CHMP7: variants seen among roughly 807,000 people sequenced by gnomAD.
CHMP7 encodes CHMP family, member 7.
In CHMP7, 15 loss-of-function variants were observed where a neutral mutation model predicts 53.7. That is an observed-to-expected ratio of 0.28 (90% CI 0.19 to 0.43). CHMP7 has a LOEUF of 0.43. CHMP7 is among the 20% of genes least tolerant of loss of function. The probability of loss-of-function intolerance (pLI) is 1.00; values close to 1 mark genes in which losing one functional copy is unlikely to be tolerated. For synonymous variants in CHMP7, 261 were observed against 228.0 expected, an observed-to-expected ratio of 1.14 and a Z score of -1.30; for missense variants, 527 against 569.4, an observed-to-expected ratio of 0.93 and a Z score of 0.76.
chr8:23,245,463 T>C (rs1173691299), intron 1 of CHMP7, among the ~76,000 whole-genome samples: 2 of 152,386 alleles, frequency 1.3e-5, no homozygotes, highest in African/African-American at 4.8e-5. Flanking sequence ...TGCCTAGCTG[T>C]AATAAATTCC....
chr8:23,260,702 G>C lies in CHMP7; in HGVS notation c.*103G>C, dbSNP rs1450918595. ...CTCTCAGAATGTGTTTGGAAGAGGAGAAAGGAGAACCACTGATTTTATCTG... is the reference window on the plus strand; with the variant it reads ...CTCTCAGAATGTGTTTGGAAGAGGACAAAGGAGAACCACTGATTTTATCTG... On this transcript the variant is annotated 3_prime_UTR_variant, in exon 11 of 11. Transcript: ENST00000397677. The C allele has an allele frequency of 2.2e-6, 2 of 926,524 alleles. No individual in the cohort carries two copies. The highest frequency in any genetic ancestry group is 1.6e-5 in the African/African-American group (1 of 60,884). 57.4% of individuals were successfully genotyped at this position (926,524 alleles called of 1,614,324 possible).
intron 3 of CHMP7, chr8:23,252,407 A>C (rs1801969495): frequency 6.6e-6 from 1 of 151,906 alleles, no homozygotes; most frequent in Non-Finnish European, 1.5e-5. Flanking sequence ...GATGGTCTCG[A>C]TCTCCTGACC....
At chr8:23,258,550 G>C in intron 7 of CHMP7, 101 bp downstream of exon 7, 4 of 1,515,370 alleles carry the variant, frequency 2.6e-6, no homozygotes, top group Non-Finnish European at 3.6e-6. Context: ...GGGTTCTTTC[G>C]GGATGTGGCT....
intron 6 of CHMP7, 114 bp from the exon 7 acceptor site, chr8:23,258,216 T>C: frequency 6.6e-7 from 1 of 1,514,606 alleles, no homozygotes; most frequent in African/African-American, 1.4e-5. Context: ...CACAGCTTAT[T>C]TTACAGATGG....
chr8:23,258,703 T>A, intron 7 of CHMP7, 29 bp from the exon 8 acceptor site: 1 of 1,511,170 alleles, frequency 6.6e-7, no homozygotes, highest in Non-Finnish European at 9.2e-7. Flanking sequence ...TGTCTGTCAT[T>A]TGCACTGATA....
chr8:23,258,473 C>A, intron 7 of CHMP7, 24 bp downstream of exon 7: 6 of 1,613,596 alleles, frequency 3.7e-6, no homozygotes, highest in Non-Finnish European at 5.1e-6. Context: ...TCTACTCCAG[C>A]ACTTGGCTGG....
intron 8 of CHMP7, 109 bp downstream of exon 8, chr8:23,258,939 T>C (rs2128860425): frequency 9.5e-7 from 1 of 1,051,048 alleles, no homozygotes; most frequent in Non-Finnish European, 1.5e-6. Context: ...CCTTGTGAAC[T>C]TGAGGAAGCT....
chr8:23,259,185 T>G lies in CHMP7; in HGVS notation c.1120+59T>G, dbSNP rs1157456835. The G allele has an allele frequency of 4.9e-6, 4 of 813,552 alleles. No individual in the cohort carries two copies. In the Admixed American group the frequency reaches 8.2e-5, roughly 17 times the overall value. The allele number at this position is 813,552 out of a possible 1,614,324, so 50.4% of individuals were successfully genotyped here. ...TCATTTTTTTTTTTTTTTTTTTTTT[T>G]TGAGACGGAGTCTCGCTCTGTCGCC... On this transcript the variant is annotated intron_variant, in intron 9 of 10. Coordinates refer to ENST00000397677, the MANE Select transcript of CHMP7 (RefSeq NM_152272.5).
intron 3 of CHMP7, among the ~76,000 whole-genome samples, chr8:23,253,404 C>T (rs1802001990): frequency 6.6e-6 from 1 of 152,208 alleles, no homozygotes; most frequent in Admixed American, 6.5e-5. Flanking sequence ...CTGCCTCAGC[C>T]TCTCAAGTAG....
Position 23,259,078 on chromosome 8 carries a change from C to G in CHMP7, c.1072C>G (p.Gln358Glu). ...TTGTCTCTTACAGCTCTGTGACACCCAGGATGAAGTTTCTCAGACTCTGGC... is the reference window on the plus strand; with the variant it reads ...TTGTCTCTTACAGCTCTGTGACACCGAGGATGAAGTTTCTCAGACTCTGGC... ...VDQIQELCDT[Q>E]DEVSQTLAGG... The change falls in exon 9 of 11, where the codon CAG becomes GAG. Residue 358 changes from glutamine (Q) to glutamate (E), a missense_variant. Gln to Glu is a conservative substitution (Grantham distance 29, BLOSUM62 2). Coordinates refer to ENST00000397677, the MANE Select transcript of CHMP7 (RefSeq NM_152272.5). The G allele has an allele frequency of 6.2e-7, 1 of 1,608,156 alleles. No individual in the cohort carries two copies. The highest frequency in any genetic ancestry group is 8.5e-7 in the Non-Finnish European group (1 of 1,174,598).
At chr8:23,258,197 C>G in intron 6 of CHMP7, 116 bp downstream of exon 6, 5 of 1,444,458 alleles carry the variant, frequency 3.5e-6, no homozygotes, top group Non-Finnish European at 4.8e-6. Context: ...CTGCAGGGGG[C>G]CCAGGCACCA....
At position 23,258,841 on chromosome 8, in the gene CHMP7, G is replaced by T. The variant is rs943430344; in HGVS notation, c.1059+11G>T. ...GATCAGATCCAAGAGGTACAGAAAG[G>T]GGCCAGGGAGGGACACACAGAGAAG... On this transcript the variant is annotated intron_variant, in intron 8 of 10. Transcript: ENST00000397677. 6 of 1,542,054 alleles carry T rather than the reference G, an allele frequency of 3.9e-6. No homozygotes were observed. The highest frequency in any genetic ancestry group is 5.4e-6 in the Non-Finnish European group (6 of 1,115,462).
At position 23,260,312 on chromosome 8, in the gene CHMP7, T is replaced by C; in HGVS notation, c.1289T>C (p.Leu430Ser). 6.2e-7 allele frequency: 1 copy of C among 1,614,144 alleles called. No individual in the cohort carries two copies. The highest frequency in any genetic ancestry group is 1.3e-5 in the African/African-American group (1 of 75,050). ...ELEAELEKLS[L>S]SEGGLVPSSK... is the part of the protein sequence containing the mutation. ...GAAGCTGAACTTGAGAAACTGTCCT[T>C]ATCAGAGGGAGGTATGGAGCTGTTT... Residue 430 changes from leucine (L) to serine (S), a missense_variant, in exon 10 of 11, where the codon TTA (leucine) becomes TCA (serine). Coordinates refer to ENST00000397677, the MANE Select transcript of CHMP7 (RefSeq NM_152272.5).
At chr8:23,244,296 G>A (rs1411899723) in intron 1 of CHMP7, among the ~76,000 whole-genome samples, 1 of 152,160 alleles carries the variant, frequency 6.6e-6, no homozygotes, top group Non-Finnish European at 1.5e-5. Context: ...TTAAGTCCAT[G>A]ATCCATTTGA....
intron 6 of CHMP7, 34 bp downstream of exon 6, chr8:23,258,115 G>A: frequency 1.3e-6 from 2 of 1,584,000 alleles, no homozygotes; most frequent in Non-Finnish European, 1.7e-6. Context: ...CCATAGCAGT[G>A]CCCCAGGCAG....
At chr8:23,257,553 C>T (rs1258099843) in intron 5 of CHMP7, among the ~76,000 whole-genome samples, 1 of 152,246 alleles carries the variant, frequency 6.6e-6, no homozygotes, top group Non-Finnish European at 1.5e-5. Context: ...CCTGCCTTTG[C>T]AGAGGTCTTT....
intron 5 of CHMP7, among the ~76,000 whole-genome samples, 158 bp from the exon 6 acceptor site, chr8:23,257,875 G>C (rs796791683): frequency 6.6e-6 from 1 of 152,226 alleles, no homozygotes; most frequent in African/African-American, 2.4e-5. Flanking sequence ...CTTGCCACAA[G>C]AGTTTTTGCC....
At chr8:23,252,551 T>A (rs1216103751) in intron 3 of CHMP7, 2 of 152,232 alleles carry the variant, frequency 1.3e-5, no homozygotes, top group Admixed American at 1.3e-4. Context: ...ATAATGTATT[T>A]AGTATTAAGG....
Position 23,243,777 on chromosome 8 carries a change from TC to T in CHMP7, c.-506del, listed in dbSNP as rs1308217498. 6.4e-6 allele frequency: 1 copy of T among 157,264 alleles called. No individual in the cohort carries two copies. The highest frequency in any genetic ancestry group is 6.5e-5 in the Admixed American group (1 of 15,428). The allele number at this position is 157,264 out of a possible 1,614,324, so 9.7% of individuals were successfully genotyped here. On this transcript the variant is annotated 5_prime_UTR_variant, in exon 1 of 11. It removes the in-frame stop codon of an upstream open reading frame in the 5' UTR. Coordinates refer to ENST00000397677, the MANE Select transcript of CHMP7 (RefSeq NM_152272.5). ...ATTTCCACCAGCAATGAATGAGAGT[TC>T]CTGTTGCTCTGCATCCTCACCAGCA...
Sources: allele counts gnomAD v4.1 joint callset (sites outside exome capture counted in the v4.1 genomes callset), GRCh38; gene constraint gnomAD v4.1.1; transcripts MANE v1.5; gene names NCBI Gene and HGNC (gene_info 2026-07-23, HGNC 2026-07-21).